CWH43: variants seen among roughly 807,000 people sequenced by gnomAD.
CWH43 encodes the protein PGAP2-interacting protein.
In CWH43, 91 loss-of-function variants were observed where a neutral mutation model predicts 85.7. The observed-to-expected ratio is 1.06, with a 90% CI of 0.90 to 1.26. CWH43 has a LOEUF of 1.26. Ranked by LOEUF, CWH43 falls within the 50% of genes most tolerant of loss-of-function variation. The pLI, the probability that CWH43 is intolerant of heterozygous loss-of-function variation, is 0.00. For missense variants in CWH43, 869 were observed against 839.2 expected (o/e 1.04, Z -0.44); for synonymous variants, 323 against 293.6 (o/e 1.10, Z -1.02).
At position 49,050,691 on chromosome 4, in the gene CWH43, C is replaced by G; in HGVS notation, c.1866-3C>G. 6.2e-7 allele frequency: 1 copy of G among 1,604,882 alleles called. No individual in the cohort carries two copies. Among genetic ancestry groups the G allele is most frequent in the Non-Finnish European group, 8.5e-7 (1 of 1,176,536 alleles). The stretch of plus-strand genomic sequence containing the variant: ...TTACAAACCATTTCTGTTTCTGCTA[C>G]AGGTTGGGTTATGCAAGAATCTCCC... On this transcript the variant is annotated splice_polypyrimidine_tract_variant and splice_region_variant and intron_variant, in intron 14 of 15. Coordinates refer to ENST00000226432, the MANE Select transcript of CWH43 (RefSeq NM_025087.3).
chr4:49,015,020 G>A (rs2109780071), intron 8 of CWH43, among the ~76,000 whole-genome samples: 1 of 152,174 alleles, frequency 6.6e-6, no homozygotes, highest in Non-Finnish European at 1.5e-5. Context: ...AACATCCCCT[G>A]TGCCTCACCT....
At chr4:49,050,560 T>G (rs1484281495) in intron 14 of CWH43, 134 bp from the exon 15 acceptor site, 1 of 559,666 alleles carries the variant, frequency 1.8e-6, no homozygotes, top group Non-Finnish European at 3.0e-6. Flanking sequence ...CAATTTAAGT[T>G]AATTCCAGTT....
In CWH43 at chr4:49,061,942, G is replaced by T; in HGVS notation, c.*52G>T. The T allele has an allele frequency of 8.1e-7, 1 of 1,239,336 alleles. No individual in the cohort carries two copies. The highest frequency in any genetic ancestry group is 1.1e-6 in the Non-Finnish European group (1 of 938,890). 76.8% of individuals were successfully genotyped at this position (1,239,336 alleles called of 1,614,324 possible). Reference sequence around the variant, plus strand: ...TGGGAAAATCTAAGAAAAAAAGTATGTAAGATAAAAAGAAGAGATTAATGA... The same window carrying T: ...TGGGAAAATCTAAGAAAAAAAGTATTTAAGATAAAAAGAAGAGATTAATGA... On this transcript the variant is annotated 3_prime_UTR_variant, in exon 16 of 16. Transcript: ENST00000226432.
chr4:49,026,283 C>A (rs1313203399), intron 9 of CWH43, among the ~76,000 whole-genome samples: 1 of 152,190 alleles, frequency 6.6e-6, no homozygotes, highest in African/African-American at 2.4e-5. Context: ...ACAAGCCTCC[C>A]AGCTGAGAAA....
rs200347963 is a variant in CWH43, at chr4:49,044,858, G to A, written c.1865+11G>A. The A allele has an allele frequency of 2.1e-5, 34 of 1,609,118 alleles. No homozygotes were observed. The highest frequency in any genetic ancestry group is 2.5e-5 in the Non-Finnish European group (29 of 1,176,520). ...TCGAGGGCTGATCAGGTGAGCACAGGGGTTTGATTTTGTTTTTAATCTATT... is the reference window on the plus strand; with the variant it reads ...TCGAGGGCTGATCAGGTGAGCACAGAGGTTTGATTTTGTTTTTAATCTATT... On this transcript the variant is annotated intron_variant, in intron 14 of 15. Coordinates refer to ENST00000226432, the MANE Select transcript of CWH43 (RefSeq NM_025087.3).
chr4:49,043,577 T>A (rs1488243497), intron 13 of CWH43, among the ~76,000 whole-genome samples: 1 of 152,218 alleles, frequency 6.6e-6, no homozygotes, highest in East Asian at 1.9e-4. Flanking sequence ...GTTTTAATCA[T>A]CAATGCTTGG....
chr4:49,009,623 G>C (rs1783285495), intron 8 of CWH43, among the ~76,000 whole-genome samples: 1 of 151,980 alleles, frequency 6.6e-6, no homozygotes. Flanking sequence ...TGTCATAAAG[G>C]GCTCTTATTA....
chr4:49,030,349 A>T (rs1784054969), intron 10 of CWH43, among the ~76,000 whole-genome samples: 1 of 152,202 alleles, frequency 6.6e-6, no homozygotes, highest in African/African-American at 2.4e-5. Flanking sequence ...AATACCACTA[A>T]GACATTTTTT....
chr4:49,010,297 G>GTATTTC (rs1370285621), intron 8 of CWH43, among the ~76,000 whole-genome samples: 10 of 152,172 alleles, frequency 6.6e-5, no homozygotes, highest in Non-Finnish European at 1.0e-4. Context: ...ATGGTAGTTT[G>GTATTTC]TATTTCTGTG....
At chr4:49,049,591 T>C (rs1368736010) in intron 14 of CWH43, among the ~76,000 whole-genome samples, 1 of 152,000 alleles carries the variant, frequency 6.6e-6, no homozygotes. Flanking sequence ...TAGTGGCCTG[T>C]GAGGAAGGCT....
At chr4:49,049,919 G>A (rs1784743177) in intron 14 of CWH43, among the ~76,000 whole-genome samples, 1 of 152,144 alleles carries the variant, frequency 6.6e-6, no homozygotes, top group Non-Finnish European at 1.5e-5. Flanking sequence ...ATACATATGT[G>A]TTTAATGCAT....
chr4:49,037,866 T>C lies in CWH43; in HGVS notation c.1659-170T>C, dbSNP rs2109816744. On this transcript the variant is annotated intron_variant, in intron 12 of 15. Transcript: ENST00000226432. The stretch of plus-strand genomic sequence containing the variant: ...TGTCTGTCAGCCTATTCATTTGAAG[T>C]GCTGTATCTAGGTCTTGTTCATTTG... 2.0e-5 allele frequency among the ~76,000 whole-genome samples: 3 copies of C among 152,330 alleles called. No individual in the cohort carries two copies. In the East Asian group the frequency reaches 5.8e-4, roughly 29 times the overall value.
Position 49,045,902 on chromosome 4 carries a change from T to C in CWH43, c.1865+1055T>C, listed in dbSNP as rs536398593. ...AATATTCAAAATCCTCTTTTCTATT[T>C]GAAATATATAGTACATTGTTGTAAC... On this transcript the variant is annotated intron_variant, in intron 14 of 15. Coordinates refer to ENST00000226432, the MANE Select transcript of CWH43 (RefSeq NM_025087.3). Among the ~76,000 whole-genome samples the C allele has an allele frequency of 3.1e-3, 476 of 152,158 alleles. 2 individuals are homozygous for C. The highest frequency in any genetic ancestry group is 3.3e-3 in the Non-Finnish European group (225 of 67,992).
chr4:48,988,721 T>G (rs1311716044), intron 2 of CWH43, 53 bp downstream of exon 2: 7 of 1,155,100 alleles, frequency 6.1e-6, no homozygotes, highest in Non-Finnish European at 7.2e-6. Context: ...AAAAATCAAG[T>G]GAGATTATGT....
intron 7 of CWH43, among the ~76,000 whole-genome samples, 183 bp downstream of exon 7, chr4:49,004,175 C>T (rs1783081486): frequency 1.3e-5 from 2 of 152,114 alleles, no homozygotes; most frequent in Admixed American, 1.3e-4. Flanking sequence ...AAATTAAAAT[C>T]AAATGTATTA....
rs1291319728 is a variant in CWH43 at position 48,994,840 on chromosome 4, C to T, written c.713+20C>T. On this transcript the variant is annotated intron_variant, in intron 5 of 15. Coordinates refer to ENST00000226432, the MANE Select transcript of CWH43 (RefSeq NM_025087.3). The stretch of plus-strand genomic sequence containing the variant: ...ATTTGGGTGAGTTTGGGTTTGGAAG[C>T]AATCACAAAATCGGCAGTTATGCCT... 6.2e-7 allele frequency: 1 copy of T among 1,608,712 alleles called. No homozygotes were observed. Among genetic ancestry groups the T allele is most frequent in the South Asian group, 1.1e-5 (1 of 90,944 alleles).
intron 12 of CWH43, among the ~76,000 whole-genome samples, chr4:49,033,349 G>A (rs145781880): frequency 1.3e-5 from 2 of 152,218 alleles, no homozygotes; most frequent in Non-Finnish European, 2.9e-5. Flanking sequence ...GGACAACCTG[G>A]CTTAAGTGCC....
intron 9 of CWH43, among the ~76,000 whole-genome samples, chr4:49,028,261 C>A (rs898630003): frequency 6.6e-6 from 1 of 151,978 alleles, no homozygotes; most frequent in Non-Finnish European, 1.5e-5. Context: ...ACCTATGTAG[C>A]CCTAATTCAT....
At position 48,992,333 on chromosome 4, in the gene CWH43, G is replaced by A. The variant is rs1394639804; in HGVS notation, c.511+243G>A. ...AATACCATTACTGGTTTGTAGCACT[G>A]TGGCAGTGGGAGACGAGAACCAGGC... On this transcript the variant is annotated intron_variant, in intron 4 of 15. Transcript: ENST00000226432. This position sits in a 1 kb window ranked among gnomAD's most constrained non-coding sequence, Gnocchi z 4.3. Among the ~76,000 whole-genome samples the A allele has an allele frequency of 6.6e-6, 1 of 152,200 alleles. No individual in the cohort carries two copies. The highest frequency in any genetic ancestry group is 1.5e-5 in the Non-Finnish European group (1 of 68,038).
Sources: gnomAD v4.1 joint callset for allele counts (sites outside exome capture counted in the v4.1 genomes callset) on GRCh38, gnomAD v4.1.1 for gene constraint, Gnocchi (gnomAD v3.1) non-coding constraint, MANE v1.5 for transcripts, NCBI Gene and HGNC (gene_info 2026-07-23, HGNC 2026-07-21) for gene names.